Variants in CUL1 observed in about 807,000 individuals in gnomAD.
The protein encoded by CUL1 is cullin-1.
A neutral mutation model predicts 118.0 loss-of-function variants in CUL1; 24 were observed. The observed-to-expected ratio is 0.20, with a 90% CI of 0.15 to 0.29. The LOEUF is 0.29. Ranked by LOEUF, CUL1 falls within the 10% of genes least tolerant of loss-of-function variation. The pLI is 1.00. For synonymous variants in CUL1, 332 were observed against 340.4 expected, an observed-to-expected ratio of 0.98 and a Z score of 0.27; for missense variants, 361 against 933.8, an observed-to-expected ratio of 0.39 and a Z score of 7.99.
intron 19 of CUL1, among the ~76,000 whole-genome samples, chr7:148,798,335 G>A (rs1801276235): frequency 6.6e-6 from 1 of 152,078 alleles, no homozygotes; most frequent in Non-Finnish European, 1.5e-5. Flanking sequence ...GCAGATTAGG[G>A]ACCTGGATTT....
chr7:148,725,604 C>T (rs1030019854), intron 1 of CUL1, among the ~76,000 whole-genome samples: 9 of 152,184 alleles, frequency 5.9e-5, no homozygotes, highest in Admixed American at 2.6e-4. Flanking sequence ...TAAGAAGCAT[C>T]TTCCACCCAA....
chr7:148,793,192 C>T (rs930233196), intron 17 of CUL1, among the ~76,000 whole-genome samples: 9 of 152,188 alleles, frequency 5.9e-5, no homozygotes, highest in Admixed American at 5.9e-4. Flanking sequence ...CACACACATA[C>T]TCCTCATCCA....
At chr7:148,749,843 A>G (rs1222194461) in intron 2 of CUL1, among the ~76,000 whole-genome samples, 1 of 152,096 alleles carries the variant, frequency 6.6e-6, no homozygotes, top group Non-Finnish European at 1.5e-5. Context: ...TGTGCTAAAC[A>G]GTTAGCCAAG....
intron 13 of CUL1, among the ~76,000 whole-genome samples, chr7:148,788,224 A>G (rs1311031474): frequency 6.6e-6 from 1 of 152,246 alleles, no homozygotes; most frequent in Admixed American, 6.5e-5. Flanking sequence ...TTGGGGGCAC[A>G]CAGTTCAGCT....
intron 1 of CUL1, among the ~76,000 whole-genome samples, chr7:148,715,842 T>C (rs778139717): frequency 5.3e-5 from 8 of 152,210 alleles, no homozygotes; most frequent in African/African-American, 1.4e-4. Flanking sequence ...TCGTAACTTA[T>C]CTATTTCTGT....
At chr7:148,796,418 T>C (rs1258003653) in intron 17 of CUL1, among the ~76,000 whole-genome samples, 2 of 152,226 alleles carry the variant, frequency 1.3e-5, no homozygotes, top group Admixed American at 6.5e-5. Flanking sequence ...ATTGCTCCAT[T>C]GTTTTCTCAA....
chr7:148,761,483 C>G (rs1469813031), intron 7 of CUL1, among the ~76,000 whole-genome samples: 1 of 152,130 alleles, frequency 6.6e-6, no homozygotes, highest in Non-Finnish European at 1.5e-5. Context: ...TGCCCTCCAG[C>G]CTGGGTGACA....
At chr7:148,704,154 C>CT (rs1563144504) in intron 1 of CUL1, among the ~76,000 whole-genome samples, 3 of 130,644 alleles carry the variant, frequency 2.3e-5, no homozygotes, top group African/African-American at 8.5e-5. Context: ...CCAACAAAAG[C>CT]GGCCCCCCCC....
At chr7:148,732,968 A>G (rs1369565038) in intron 2 of CUL1, among the ~76,000 whole-genome samples, 4 of 152,166 alleles carry the variant, frequency 2.6e-5, no homozygotes, top group Non-Finnish European at 5.9e-5. Flanking sequence ...TAATGGCTAC[A>G]GCTGTCAGGC....
chr7:148,775,607 A>G (rs1237513449), intron 9 of CUL1, among the ~76,000 whole-genome samples: 1 of 152,244 alleles, frequency 6.6e-6, no homozygotes, highest in Non-Finnish European at 1.5e-5. Flanking sequence ...GGTTTTGTAC[A>G]GTAAGTCAGA....
chr7:148,705,031 G>A (rs371126735), intron 1 of CUL1, among the ~76,000 whole-genome samples: 1 of 152,130 alleles, frequency 6.6e-6, no homozygotes, highest in African/African-American at 2.4e-5. Context: ...TCTGACTTCC[G>A]TTGGGCTGTA....
chr7:148,748,840 A>AT (rs773269547), intron 2 of CUL1, among the ~76,000 whole-genome samples: 4 of 152,188 alleles, frequency 2.6e-5, no homozygotes, highest in East Asian at 3.8e-4. Context: ...ATGAAATTAA[A>AT]TTTTTTTGAA....
chr7:148,799,484 G>C, intron 21 of CUL1, 96 bp downstream of exon 21: 1 of 790,386 alleles, frequency 1.3e-6, no homozygotes, highest in South Asian at 1.7e-5. Flanking sequence ...TGAAGGAGGA[G>C]GGAGCTGGCT....
At chr7:148,727,934 AGAAT>A (rs1798639964) in intron 1 of CUL1, among the ~76,000 whole-genome samples, 2 of 152,138 alleles carry the variant, frequency 1.3e-5, no homozygotes, top group South Asian at 4.1e-4. Flanking sequence ...CAGCCTATTC[AGAAT>A]TAGGATGACA....
chr7:148,752,760 T>G (rs1799531226), intron 2 of CUL1, among the ~76,000 whole-genome samples: 1 of 152,226 alleles, frequency 6.6e-6, no homozygotes. Context: ...GCCATTCTCC[T>G]GCCTCAGCCT....
chr7:148,734,720 G>A (rs1013700841), intron 2 of CUL1, among the ~76,000 whole-genome samples: 5 of 152,184 alleles, frequency 3.3e-5, no homozygotes, highest in African/African-American at 1.2e-4. Flanking sequence ...GTGCTGGCTA[G>A]AGGAGAGGTA....
At chr7:148,698,586 CGCCCCCGGG>C (rs1195468589), upstream of CUL1, 1 of 151,758 alleles carries the variant, frequency 6.6e-6, no homozygotes, top group Non-Finnish European at 1.5e-5. Context: ...GCGGAAGGGG[CGCCCCCGGG>C]GCCGCCGGCA....
At chr7:148,728,911 A>G (rs1798668443) in intron 1 of CUL1, among the ~76,000 whole-genome samples, 3 of 152,246 alleles carry the variant, frequency 2.0e-5, no homozygotes, top group African/African-American at 4.8e-5. Context: ...GCAGGCTTTG[A>G]TAACCTAGCC....
chr7:148,753,894 T>C, intron 2 of CUL1, 82 bp from the exon 3 acceptor site: 1 of 1,055,616 alleles, frequency 9.5e-7, no homozygotes. Flanking sequence ...AATGCATTGG[T>C]AATGAAATAT....
Sources: allele counts gnomAD v4.1 joint callset (sites outside exome capture counted in the v4.1 genomes callset), GRCh38; gene constraint gnomAD v4.1.1; transcripts MANE v1.5; gene names NCBI Gene and HGNC (gene_info 2026-07-23, HGNC 2026-07-21).